SEMA6D: variants seen among roughly 807,000 people sequenced by gnomAD.
The protein encoded by SEMA6D is semaphorin 6D.
SEMA6D carries 35 observed loss-of-function variants against 106.6 expected under a neutral mutation model. The ratio of observed to expected loss-of-function variants is 0.33; its 90% CI spans 0.25 to 0.44. The LOEUF is 0.44. SEMA6D is among the 20% of genes least tolerant of loss of function. The probability of loss-of-function intolerance (pLI) is 1.00; values close to 1 mark genes in which losing one functional copy is unlikely to be tolerated. For missense variants in SEMA6D, 1,185 were observed against 1,345.9 expected (o/e 0.88, Z 1.87); for synonymous variants, 499 against 487.7 (o/e 1.02, Z -0.31).
chr15:47,730,894 C>T (rs1391082227), intron 1 of SEMA6D: 7 of 915,504 alleles, frequency 7.6e-6, no homozygotes, highest in South Asian at 1.3e-5. Context: ...CTGCAGGGGC[C>T]GGAGCCACCT....
At chr15:47,322,441 T>C (rs1444811245) in intron 1 of SEMA6D, among the ~76,000 whole-genome samples, 3 of 152,170 alleles carry the variant, frequency 2.0e-5, no homozygotes, top group Non-Finnish European at 4.4e-5. Flanking sequence ...CCAGATATTT[T>C]GTACAATATC....
At chr15:47,445,366 A>G (rs1162109062) in intron 2 of SEMA6D, among the ~76,000 whole-genome samples, 3 of 152,154 alleles carry the variant, frequency 2.0e-5, no homozygotes, top group African/African-American at 7.2e-5. Flanking sequence ...ATTTGGTCGT[A>G]ATGTTATCAT....
intron 2 of SEMA6D, among the ~76,000 whole-genome samples, chr15:47,447,344 C>T (rs888434639): frequency 1.3e-5 from 2 of 152,108 alleles, no homozygotes; most frequent in Non-Finnish European, 2.9e-5. Context: ...TCATCCCACC[C>T]CCAACCTCTG....
rs569816855 is a variant in SEMA6D at position 47,260,835 on chromosome 15, T to C, written c.-239+76417T>C. Among the ~76,000 whole-genome samples, 3 of 152,288 alleles carry C rather than the reference T, an allele frequency of 2.0e-5. No homozygotes were observed. In the South Asian group the frequency reaches 6.2e-4, roughly 32 times the overall value. ...AAGACTCCTGATTGATCCCTCTTGC[T>C]AGTGGTGCCAGTCTCATCTGGTGTT... On this transcript the variant is annotated intron_variant, in intron 1 of 19. Coordinates refer to the SEMA6D transcript ENST00000558014.
At chr15:47,518,044 C>A (rs557754535) in intron 3 of SEMA6D, among the ~76,000 whole-genome samples, 170 of 152,230 alleles carry the variant, frequency 1.1e-3, no homozygotes, top group African/African-American at 4.0e-3. Flanking sequence ...GTACTGTGTC[C>A]TGAACTTCTT....
At chr15:47,421,475 A>C in intron 2 of SEMA6D, among the ~76,000 whole-genome samples, 1 of 152,078 alleles carries the variant, frequency 6.6e-6, no homozygotes, top group East Asian at 1.9e-4. Flanking sequence ...ATGCACTAAT[A>C]ATTTATGTTT....
chr15:47,225,218 T>C (rs760200142), intron 1 of SEMA6D, among the ~76,000 whole-genome samples: 1 of 152,042 alleles, frequency 6.6e-6, no homozygotes. Flanking sequence ...ATGTTTAGTT[T>C]TGTCAGAAAC....
chr15:47,555,166 C>G (rs1025244623), intron 3 of SEMA6D, among the ~76,000 whole-genome samples: 22 of 152,282 alleles, frequency 1.4e-4, no homozygotes, highest in African/African-American at 5.1e-4. Context: ...GAACAGAATG[C>G]TGGCTCAGGT....
chr15:47,513,185 GA>G (rs543713772), intron 3 of SEMA6D, among the ~76,000 whole-genome samples: 105 of 151,750 alleles, frequency 6.9e-4, no homozygotes, highest in African/African-American at 2.5e-3. Context: ...CTTCTCCCTT[GA>G]AAAAAAAGTG....
chr15:47,734,082 T>C lies in SEMA6D; in HGVS notation c.-55+16390T>C, dbSNP rs954361608. Among the ~76,000 whole-genome samples, 8 of 152,190 alleles carry C rather than the reference T, an allele frequency of 5.3e-5. No individual in the cohort carries two copies. The East Asian group carries it at 1.5e-3, about 29-fold the overall frequency. Reference sequence around the variant, plus strand: ...TGGGGTGGGAAGGTTTATCATGTTGTGAAGTATTTTCAGATGATGAATTTT... The same window carrying C: ...TGGGGTGGGAAGGTTTATCATGTTGCGAAGTATTTTCAGATGATGAATTTT... On this transcript the variant is annotated intron_variant, in intron 1 of 18. Transcript: ENST00000536845.
At chr15:47,595,403 G>A (rs192595770) in intron 3 of SEMA6D, among the ~76,000 whole-genome samples, 13 of 152,004 alleles carry the variant, frequency 8.6e-5, no homozygotes, top group East Asian at 1.9e-4. Flanking sequence ...TTGAACCATC[G>A]TTGCATCCCT....
At chr15:47,238,072 A>G (rs779133765) in intron 1 of SEMA6D, among the ~76,000 whole-genome samples, 2 of 152,080 alleles carry the variant, frequency 1.3e-5, no homozygotes, top group Non-Finnish European at 2.9e-5. Context: ...CAGTAGCTAG[A>G]TATTTTTGGT....
intron 1 of SEMA6D, among the ~76,000 whole-genome samples, chr15:47,272,368 T>G (rs940535311): frequency 1.3e-5 from 2 of 152,200 alleles, no homozygotes; most frequent in Non-Finnish European, 2.9e-5. Flanking sequence ...TTTAAAGGGT[T>G]GCAAAATAGC....
intron 4 of SEMA6D, among the ~76,000 whole-genome samples, chr15:47,698,899 G>T (rs957289933): frequency 1.3e-5 from 2 of 151,942 alleles, no homozygotes; most frequent in African/African-American, 2.4e-5. Context: ...TTTTCCAGCC[G>T]CTGTCATAAC....
At chr15:47,262,324 C>T (rs1158427802) in intron 1 of SEMA6D, among the ~76,000 whole-genome samples, 1 of 152,082 alleles carries the variant, frequency 6.6e-6, no homozygotes, top group East Asian at 1.9e-4. Flanking sequence ...TCTCACACTG[C>T]TATGAAGAAA....
chr15:47,559,703 T>A (rs150422111), intron 3 of SEMA6D, among the ~76,000 whole-genome samples: 166 of 152,162 alleles, frequency 1.1e-3, no homozygotes, highest in African/African-American at 3.4e-3. Flanking sequence ...TGTGTGGATG[T>A]GCAGGAAAGA....
chr15:47,765,611 G>T, intron 13 of SEMA6D: 2 of 533,182 alleles, frequency 3.8e-6, no homozygotes, highest in East Asian at 4.1e-5. Context: ...ATAGTCAAAT[G>T]TGGCCTTCGC....
intron 3 of SEMA6D, among the ~76,000 whole-genome samples, chr15:47,479,037 GAC>G (rs895653585): frequency 2.2e-4 from 34 of 152,120 alleles, no homozygotes; most frequent in African/African-American, 7.2e-4. Context: ...TCCCTCCAAT[GAC>G]ACATAGGGAT....
At chr15:47,238,316 A>G (rs1374867043) in intron 1 of SEMA6D, among the ~76,000 whole-genome samples, 1 of 152,102 alleles carries the variant, frequency 6.6e-6, no homozygotes, top group Non-Finnish European at 1.5e-5. Context: ...CACTAAAAGC[A>G]CACAGAGTTG....
Sources: allele counts gnomAD v4.1 joint callset (sites outside exome capture counted in the v4.1 genomes callset), GRCh38; gene constraint gnomAD v4.1.1; transcripts MANE v1.5; gene names NCBI Gene and HGNC (gene_info 2026-07-23, HGNC 2026-07-21).